The following MAP1LC3B2 variants were observed in gnomAD, a reference collection of about 807,000 sequenced individuals.
The protein encoded by MAP1LC3B2 is microtubule associated protein 1 light chain 3 beta 2, also known as microtubule-associated protein 1 light chain 3 beta 2.
For synonymous variants in MAP1LC3B2, 62 were observed against 57.8 expected (o/e 1.07, Z -0.33); for missense variants, 155 against 154.6 (o/e 1.00, Z -0.01).
At chr12:116,560,234 A>ATG (rs1215441221) in intron 1 of MAP1LC3B2, among the ~76,000 whole-genome samples, 24 of 107,466 alleles carry the variant, frequency 2.2e-4, no homozygotes, top group South Asian at 9.4e-4. Context: ...ATATATATAT[A>ATG]TATATATGTA....
chr12:116,576,180 T>C lies in MAP1LC3B2; in HGVS notation c.238T>C (p.Phe80Leu), dbSNP rs1204308258. 3.7e-6 allele frequency: 6 copies of C among 1,614,028 alleles called. No homozygotes were observed. The highest frequency in any genetic ancestry group is 3.4e-6 in the Non-Finnish European group (4 of 1,180,008). Reference protein sequence around the residue: ...RLQLNANQAFFLLVNGHSMVS... With the variant: ...RLQLNANQAFLLLVNGHSMVS... The stretch of plus-strand genomic sequence containing the variant: ...ACAGCTCAATGCTAATCAGGCCTTC[T>C]TCCTGTTGGTGAACGGACACAGCAT... The change falls in exon 2 of 2, where the codon TTC becomes CTC. Residue 80 changes from phenylalanine to leucine, a missense_variant. Transcript: ENST00000556529.
At chr12:116,560,188 C>CTATATA (rs56727893) in intron 1 of MAP1LC3B2, 4 of 88,422 alleles carry the variant, frequency 4.5e-5, no homozygotes, top group Non-Finnish European at 9.3e-5. Flanking sequence ...CTAAGTTTGG[C>CTATATA]TATATATATA....
intron 1 of MAP1LC3B2, chr12:116,560,205 T>TATAC (rs1869222354): frequency 6.6e-5 from 3 of 45,170 alleles, no homozygotes; most frequent in African/African-American, 2.3e-4. Context: ...TATATATATA[T>TATAC]ATATATATAT....
chr12:116,560,832 A>AT (rs1177892365), intron 1 of MAP1LC3B2, among the ~76,000 whole-genome samples: 5 of 150,814 alleles, frequency 3.3e-5, no homozygotes, highest in African/African-American at 1.2e-4. Flanking sequence ...AAAAAAAAAA[A>AT]AAGGCTGGGC....
intron 1 of MAP1LC3B2, among the ~76,000 whole-genome samples, chr12:116,562,329 C>T (rs1215933473): frequency 6.6e-6 from 1 of 152,216 alleles, no homozygotes; most frequent in Non-Finnish European, 1.5e-5. Context: ...AACAATAAAT[C>T]TTTATGTTTA....
At chr12:116,560,207 T>TACATATATAC (rs1203878434) in intron 1 of MAP1LC3B2, 1 of 53,202 alleles carries the variant, frequency 1.9e-5, no homozygotes, top group African/African-American at 7.1e-5. Context: ...TATATATATA[T>TACATATATAC]ATATATATAT....
chr12:116,567,924 G>T (rs1040696156), intron 1 of MAP1LC3B2, among the ~76,000 whole-genome samples: 4 of 152,114 alleles, frequency 2.6e-5, no homozygotes, highest in African/African-American at 7.2e-5. Flanking sequence ...TCTGGAGCCT[G>T]CGAGTTCTTG....
intron 1 of MAP1LC3B2, among the ~76,000 whole-genome samples, chr12:116,574,625 G>A (rs1035860696): frequency 2.0e-5 from 3 of 150,506 alleles, no homozygotes; most frequent in East Asian, 2.0e-4. Context: ...CAGCCTGGGG[G>A]ACAGAGCGAG....
intron 1 of MAP1LC3B2, among the ~76,000 whole-genome samples, chr12:116,571,041 G>T (rs1169234257): frequency 1.6e-4 from 25 of 152,158 alleles, no homozygotes; most frequent in Admixed American, 1.6e-3. Context: ...TTCAGGTTAA[G>T]GGAGGTTCAA....
chr12:116,576,235 T>G lies in MAP1LC3B2; in HGVS notation c.293T>G (p.Val98Gly). 1 of 1,613,888 alleles carries G rather than the reference T, an allele frequency of 6.2e-7. No individual in the cohort carries two copies. Among genetic ancestry groups the G allele is most frequent in the Non-Finnish European group, 8.5e-7 (1 of 1,179,946 alleles). The change falls in exon 2 of 2, where the codon GTG becomes GGG. Residue 98 changes from valine (V) to glycine (G), a missense_variant. Transcript: ENST00000556529. ...MVSVSTPISE[V>G]YESEKDEDGF... ...AGCGTCTCCACACCAATCTCAGAGGTGTATGAGAGTGAGAAAGATGAAGAT... is the reference window on the plus strand; with the variant it reads ...AGCGTCTCCACACCAATCTCAGAGGGGTATGAGAGTGAGAAAGATGAAGAT...
At chr12:116,560,224 A>ATGTATG (rs1566022591) in intron 1 of MAP1LC3B2, 4 of 108,566 alleles carry the variant, frequency 3.7e-5, no homozygotes, top group Non-Finnish European at 5.7e-5. Flanking sequence ...ATATATATAT[A>ATGTATG]TATATATATA....
chr12:116,576,037 C>T lies in MAP1LC3B2; in HGVS notation c.95C>T (p.Pro32Leu), dbSNP rs771512150. ...LIREQHPTKI[P>L]VIIERYKGEK... ...CGAGAGCAGCATCCAACCAAAATCC[C>T]GGTGATAATAGAACGATACAAGGGT... Residue 32 changes from proline to leucine, a missense_variant, in exon 2 of 2, where the codon CCG (proline) becomes CTG (leucine). Pro to Leu is a moderately conservative substitution (Grantham distance 98). Transcript: ENST00000556529. 22 of 1,614,058 alleles carry T rather than the reference C, an allele frequency of 1.4e-5. No individual in the cohort carries two copies. Among genetic ancestry groups the T allele is most frequent in the South Asian group, 1.3e-4 (12 of 91,088 alleles).
At position 116,575,322 on chromosome 12, in the gene MAP1LC3B2, TAGC is replaced by T. The variant is rs1869644505; in HGVS notation, c.-101-517_-101-515del. On this transcript the variant is annotated intron_variant, in intron 1 of 1. Transcript: ENST00000556529. The stretch of plus-strand genomic sequence containing the variant: ...GAAGGAAACATTTATATCAAATTCT[TAGC>T]AGTGAATGAATCAGGGAGTTGCATT... 3.9e-5 allele frequency among the ~76,000 whole-genome samples: 6 copies of T among 152,322 alleles called. No homozygotes were observed. In the South Asian group the frequency reaches 1.2e-3, roughly 32 times the overall value.
At chr12:116,566,792 G>A (rs1032792476) in intron 1 of MAP1LC3B2, among the ~76,000 whole-genome samples, 1 of 150,408 alleles carries the variant, frequency 6.6e-6, no homozygotes, top group Admixed American at 6.6e-5. Context: ...TGTGCTGGGC[G>A]TGGTGGTGGG....
At chr12:116,560,187 G>A (rs1869215492) in intron 1 of MAP1LC3B2, 1 of 81,508 alleles carries the variant, frequency 1.2e-5, no homozygotes, top group Admixed American at 1.3e-4. Flanking sequence ...GCTAAGTTTG[G>A]CTATATATAT....
At chr12:116,568,751 A>T (rs1389964947) in intron 1 of MAP1LC3B2, among the ~76,000 whole-genome samples, 1 of 152,080 alleles carries the variant, frequency 6.6e-6, no homozygotes, top group Non-Finnish European at 1.5e-5. Flanking sequence ...TTGCCCTTTC[A>T]TCATGTGATG....
chr12:116,564,571 G>A (rs1869343348), intron 1 of MAP1LC3B2, among the ~76,000 whole-genome samples: 1 of 152,106 alleles, frequency 6.6e-6, no homozygotes, highest in Non-Finnish European at 1.5e-5. Flanking sequence ...ATGTCCCCCA[G>A]TCCCATGAGA....
chr12:116,571,266 C>A (rs975728567), intron 1 of MAP1LC3B2, among the ~76,000 whole-genome samples: 1 of 152,070 alleles, frequency 6.6e-6, no homozygotes, highest in Non-Finnish European at 1.5e-5. Flanking sequence ...TGGAAGTGCA[C>A]AGTAAAACAC....
rs200170663 is a variant in MAP1LC3B2, at chr12:116,575,900, G to A, written c.-43G>A. The A allele has an allele frequency of 5.3e-5, 86 of 1,612,692 alleles. No homozygotes were observed. The highest frequency in any genetic ancestry group is 3.3e-4 in the Middle Eastern group (2 of 6,056). The stretch of plus-strand genomic sequence containing the variant: ...GCAGCCGCCACCCCCAGGAGCCGCC[G>A]GGACCCTCGCGTCGTCGCCGCCGCG... On this transcript the variant is annotated 5_prime_UTR_variant, in exon 2 of 2. Coordinates refer to ENST00000556529, the MANE Select transcript of MAP1LC3B2 (RefSeq NM_001085481.3).
Sources: allele counts gnomAD v4.1 joint callset (sites outside exome capture counted in the v4.1 genomes callset), GRCh38; gene constraint gnomAD v4.1.1; transcripts MANE v1.5; gene names NCBI Gene and HGNC (gene_info 2026-07-23, HGNC 2026-07-21).